ZNF521: variants seen among roughly 807,000 people sequenced by gnomAD.
The protein encoded by ZNF521 is LYST-interacting protein 3.
A neutral mutation model predicts 105.5 loss-of-function variants in ZNF521; 14 were observed. The ratio of observed to expected loss-of-function variants is 0.13; its 90% CI spans 0.09 to 0.21. The LOEUF (loss-of-function observed/expected upper bound fraction) is 0.21. Among genes scored for constraint, ZNF521 ranks in the 10% least tolerant of loss-of-function variants. ZNF521 has a pLI of 1.00. For synonymous variants in ZNF521, 635 were observed against 606.0 expected, an observed-to-expected ratio of 1.05 and a Z score of -0.70; for missense variants, 1,233 against 1,629.7, an observed-to-expected ratio of 0.76 and a Z score of 4.19.
chr18:25,119,549 A>G (rs1567970056), intron 5 of ZNF521, among the ~76,000 whole-genome samples: 1 of 152,174 alleles, frequency 6.6e-6, no homozygotes, highest in Admixed American at 6.5e-5. Flanking sequence ...GGAAATTAAA[A>G]TTAAAAAATT....
chr18:25,198,818 C>T (rs1309869898), intron 4 of ZNF521, among the ~76,000 whole-genome samples: 2 of 151,734 alleles, frequency 1.3e-5, no homozygotes, highest in Non-Finnish European at 2.9e-5. Context: ...TTTTGCAATG[C>T]CAAATAAAAT....
intron 3 of ZNF521, among the ~76,000 whole-genome samples, chr18:25,309,625 C>T (rs908489636): frequency 1.3e-5 from 2 of 151,976 alleles, no homozygotes; most frequent in African/African-American, 4.8e-5. Flanking sequence ...GCATAAAACA[C>T]TGGTGAAAAG....
At chr18:25,167,534 A>G (rs186670234) in intron 5 of ZNF521, among the ~76,000 whole-genome samples, 367 of 152,328 alleles carry the variant, frequency 2.4e-3, no homozygotes, top group African/African-American at 8.5e-3. Flanking sequence ...TTTTGGACAA[A>G]GGTGGATGCT....
chr18:25,147,204 T>C (rs1201330509), intron 5 of ZNF521, among the ~76,000 whole-genome samples: 4 of 139,888 alleles, frequency 2.9e-5, no homozygotes, highest in Non-Finnish European at 6.2e-5. Flanking sequence ...AATATAATAA[T>C]AATGTCAACA....
chr18:25,144,919 A>G lies in ZNF521; in HGVS notation c.3658+50241T>C, dbSNP rs1445059171. Among the ~76,000 whole-genome samples, 4 of 152,134 alleles carry G rather than the reference A, an allele frequency of 2.6e-5. No individual in the cohort carries two copies. The East Asian group carries it at 7.7e-4, about 29-fold the overall frequency. On this transcript the variant is annotated intron_variant, in intron 5 of 7. Transcript: ENST00000361524. Reference sequence around the variant, plus strand: ...GCTAAGCCCCCATTTATATCATACAAAACTCAGTTATCCCACAGACGTGGA... The same window carrying G: ...GCTAAGCCCCCATTTATATCATACAGAACTCAGTTATCCCACAGACGTGGA...
rs371766045 is a variant in ZNF521, at chr18:25,152,247, G to A, written c.3658+42913C>T. On this transcript the variant is annotated intron_variant, in intron 5 of 7. Coordinates refer to ENST00000361524, the MANE Select transcript of ZNF521 (RefSeq NM_015461.3). ...TAATCTCAACACTTTGGGAGGCCGA[G>A]GCGGGTGGATCACTTGAGGTCAGGA... is the stretch of plus-strand genomic sequence containing the variant. Among the ~76,000 whole-genome samples the A allele has an allele frequency of 1.8e-4, 28 of 152,294 alleles. No individual in the cohort carries two copies. The East Asian group carries it at 4.0e-3, about 22-fold the overall frequency.
chr18:25,223,935 T>C (rs1905910488), intron 4 of ZNF521: 1 of 233,482 alleles, frequency 4.3e-6, no homozygotes, highest in Non-Finnish European at 8.5e-6. Flanking sequence ...ATATATTCTT[T>C]TTAATTTACT....
chr18:25,183,120 C>G (rs867979193), intron 5 of ZNF521, among the ~76,000 whole-genome samples: 10 of 152,124 alleles, frequency 6.6e-5, no homozygotes, highest in Admixed American at 2.6e-4. Flanking sequence ...GTCTAATACT[C>G]ATTATTTGCT....
intron 3 of ZNF521, among the ~76,000 whole-genome samples, chr18:25,257,942 C>T (rs1000648830): frequency 2.0e-5 from 3 of 152,156 alleles, no homozygotes; most frequent in East Asian, 1.9e-4. Flanking sequence ...CACAGACACA[C>T]ATGCACATGT....
chr18:25,333,299 A>ACTCTCT (rs150034581), intron 2 of ZNF521, among the ~76,000 whole-genome samples: 2,616 of 142,822 alleles, frequency 0.018, 30 homozygotes, highest in African/African-American at 0.038. Flanking sequence ...ATAAGGACAC[A>ACTCTCT]CTCTCTCTCT....
intron 5 of ZNF521, among the ~76,000 whole-genome samples, chr18:25,110,891 T>C (rs2034175174): frequency 6.6e-6 from 1 of 151,746 alleles, no homozygotes; most frequent in Admixed American, 6.6e-5. Flanking sequence ...GCCTACAGAG[T>C]AGCTGGGACT....
At chr18:25,236,679 C>T (rs1906922686) in intron 3 of ZNF521, among the ~76,000 whole-genome samples, 1 of 152,146 alleles carries the variant, frequency 6.6e-6, no homozygotes, top group African/African-American at 2.4e-5. Context: ...AGAATTATTA[C>T]CTTTCACATT....
At chr18:25,223,543 G>C (rs1905875290) in intron 4 of ZNF521, among the ~76,000 whole-genome samples, 1 of 152,168 alleles carries the variant, frequency 6.6e-6, no homozygotes, top group Admixed American at 6.5e-5. Context: ...TAGAAACCAG[G>C]TGATAAAGCA....
At chr18:25,303,588 G>A (rs556102003) in intron 3 of ZNF521, among the ~76,000 whole-genome samples, 184 of 152,182 alleles carry the variant, frequency 1.2e-3, no homozygotes, top group African/African-American at 4.1e-3. Flanking sequence ...GAGCCACCAC[G>A]CCTGGCCTGA....
chr18:25,179,911 G>A (rs1377563830), intron 5 of ZNF521, among the ~76,000 whole-genome samples: 1 of 152,096 alleles, frequency 6.6e-6, no homozygotes, highest in Non-Finnish European at 1.5e-5. Flanking sequence ...CTTTAAAAAG[G>A]ACCATAAAAA....
At chr18:25,132,464 C>T (rs1245559269) in intron 5 of ZNF521, among the ~76,000 whole-genome samples, 2 of 152,130 alleles carry the variant, frequency 1.3e-5, no homozygotes, top group Non-Finnish European at 2.9e-5. Flanking sequence ...ACTTTAATTT[C>T]AGGCACAATT....
intron 4 of ZNF521, among the ~76,000 whole-genome samples, chr18:25,196,701 G>A (rs143332112): frequency 4.6e-5 from 7 of 151,742 alleles, no homozygotes; most frequent in African/African-American, 1.2e-4. Context: ...TGACTACACC[G>A]AGCTGTTTAC....
At chr18:25,242,079 T>C (rs1167093500) in intron 3 of ZNF521, among the ~76,000 whole-genome samples, 1 of 152,232 alleles carries the variant, frequency 6.6e-6, no homozygotes, top group Non-Finnish European at 1.5e-5. Flanking sequence ...TTTCTCAGTA[T>C]GGTAAAATTA....
At chr18:25,278,745 A>T (rs1314396019) in intron 3 of ZNF521, among the ~76,000 whole-genome samples, 5 of 55,148 alleles carry the variant, frequency 9.1e-5, no homozygotes, top group African/African-American at 5.5e-4. Context: ...CTCTTGTTTA[A>T]AAAAAAAATC....
Sources: allele counts gnomAD v4.1 joint callset (sites outside exome capture counted in the v4.1 genomes callset), GRCh38; gene constraint gnomAD v4.1.1; transcripts MANE v1.5; gene names NCBI Gene and HGNC (gene_info 2026-07-23, HGNC 2026-07-21).